Variants in CHD9 observed in about 807,000 individuals in gnomAD.
The protein encoded by CHD9 is ATP-dependent chromatin remodeler CHD9.
Under a neutral mutation model 316.1 loss-of-function variants are expected in CHD9, and 77 were observed. The observed-to-expected ratio is 0.24, with a 90% confidence interval of 0.20 to 0.29. The LOEUF is 0.29. Among genes scored for constraint, CHD9 ranks in the 10% least tolerant of loss-of-function variants. The probability of loss-of-function intolerance (pLI) is 1.00; values close to 1 mark genes in which losing one functional copy is unlikely to be tolerated. For synonymous variants in CHD9, 1,129 were observed against 1,158.3 expected (o/e 0.97, Z 0.51); for missense variants, 2,763 against 3,438.1 (o/e 0.80, Z 4.91).
chr16:53,137,533 C>A (rs1374870219), intron 1 of CHD9, among the ~76,000 whole-genome samples: 1 of 152,106 alleles, frequency 6.6e-6, no homozygotes, highest in Non-Finnish European at 1.5e-5. Context: ...AATTTCTACT[C>A]CTTTTAGCAG....
In CHD9 at chr16:53,219,332, A is replaced by G. The variant is rs142674548; in HGVS notation, c.1785-3312A>G. Reference sequence around the variant, plus strand: ...GGGGAAAAAATCTGAAATAGAGATAAGAGATTTGAGGATCTTTAACTTCTA... The same window carrying G: ...GGGGAAAAAATCTGAAATAGAGATAGGAGATTTGAGGATCTTTAACTTCTA... On this transcript the variant is annotated intron_variant, in intron 3 of 38. Transcript: ENST00000447540. Among the ~76,000 whole-genome samples, 596 of 152,308 alleles carry G rather than the reference A, an allele frequency of 3.9e-3. 9 individuals are homozygous for G. Among genetic ancestry groups the G allele is most frequent in the African/African-American group, 0.014 (583 of 41,564 alleles).
intron 37 of CHD9, 71 bp from the exon 38 acceptor site, chr16:53,321,455 C>T: frequency 6.9e-7 from 1 of 1,446,466 alleles, no homozygotes. Flanking sequence ...CTCTGTAGAG[C>T]ATACAATAAA....
At chr16:53,130,823 C>CA (rs1258346248) in intron 1 of CHD9, 4 of 151,942 alleles carry the variant, frequency 2.6e-5, no homozygotes, top group African/African-American at 9.6e-5. Context: ...GCAGGAGCGG[C>CA]GGCGGTCACG....
At chr16:53,064,367 T>C (rs2033287202) in intron 1 of CHD9, among the ~76,000 whole-genome samples, 1 of 152,194 alleles carries the variant, frequency 6.6e-6, no homozygotes, top group African/African-American at 2.4e-5. Flanking sequence ...TATAAAGTTA[T>C]TTTGTTGTCG....
chr16:53,215,800 C>G (rs2046710626), intron 3 of CHD9, among the ~76,000 whole-genome samples: 1 of 152,118 alleles, frequency 6.6e-6, no homozygotes, highest in Non-Finnish European at 1.5e-5. Context: ...AGTACTAACA[C>G]TTGGGCAGGA....
At chr16:53,143,074 A>T (rs889049114) in intron 1 of CHD9, among the ~76,000 whole-genome samples, 2 of 152,170 alleles carry the variant, frequency 1.3e-5, no homozygotes, top group African/African-American at 4.8e-5. Flanking sequence ...ACATTAATCC[A>T]TTCATGAGGG....
chr16:53,133,754 A>C (rs2039509513), intron 1 of CHD9, among the ~76,000 whole-genome samples: 1 of 152,256 alleles, frequency 6.6e-6, no homozygotes, highest in South Asian at 2.1e-4. Context: ...AAACCATAGA[A>C]TTTTCAACTT....
At chr16:53,252,442 A>G (rs1045479239) in intron 17 of CHD9, among the ~76,000 whole-genome samples, 7 of 152,216 alleles carry the variant, frequency 4.6e-5, no homozygotes, top group Non-Finnish European at 1.0e-4. Flanking sequence ...CTGAAACTAT[A>G]AAAATTCTGG....
At chr16:53,147,234 C>T (rs993256036) in intron 1 of CHD9, among the ~76,000 whole-genome samples, 4 of 152,062 alleles carry the variant, frequency 2.6e-5, no homozygotes, top group Admixed American at 2.0e-4. Flanking sequence ...AAAGGCCTCA[C>T]TAGGAATGTC....
intron 1 of CHD9, among the ~76,000 whole-genome samples, chr16:53,102,931 C>T (rs984711971): frequency 2.0e-5 from 3 of 151,942 alleles, no homozygotes; most frequent in Non-Finnish European, 4.4e-5. Context: ...CTGCAAACTC[C>T]GCCTCCCGGG....
chr16:53,072,304 A>G (rs1053433358), intron 1 of CHD9, among the ~76,000 whole-genome samples: 1 of 136,950 alleles, frequency 7.3e-6, no homozygotes, highest in African/African-American at 2.8e-5. Flanking sequence ...TCTACTTTGG[A>G]AGGAAAGCCA....
intron 1 of CHD9, among the ~76,000 whole-genome samples, chr16:53,070,990 T>G (rs1040769451): frequency 6.6e-6 from 1 of 152,220 alleles, no homozygotes; most frequent in Non-Finnish European, 1.5e-5. Flanking sequence ...CCCTTGGGAT[T>G]GCTTATGAAT....
At chr16:53,264,234 G>A (rs1216578229) in intron 20 of CHD9, among the ~76,000 whole-genome samples, 2 of 151,872 alleles carry the variant, frequency 1.3e-5, no homozygotes, top group African/African-American at 4.8e-5. Flanking sequence ...CTTATAACTA[G>A]AAAAAATAAT....
chr16:53,116,262 G>T (rs920008984), intron 1 of CHD9, among the ~76,000 whole-genome samples: 16 of 152,264 alleles, frequency 1.1e-4, no homozygotes, highest in African/African-American at 3.6e-4. Flanking sequence ...GTTTCACCGT[G>T]CTGGCCAGGC....
chr16:53,251,749 C>A (rs1345351930), intron 17 of CHD9, among the ~76,000 whole-genome samples: 1 of 152,064 alleles, frequency 6.6e-6, no homozygotes, highest in Non-Finnish European at 1.5e-5. Context: ...AAATATGAAG[C>A]CCTTATGTGA....
At chr16:53,203,917 G>C (rs998320425) in intron 2 of CHD9, among the ~76,000 whole-genome samples, 29 of 149,490 alleles carry the variant, frequency 1.9e-4, no homozygotes, top group African/African-American at 6.9e-4. Context: ...CCAGCTACTC[G>C]TGAGCCTGAG....
At chr16:53,265,032 TTTTGTAAAAAATTAAGGAC>T (rs2051514228) in intron 20 of CHD9, among the ~76,000 whole-genome samples, 2 of 152,194 alleles carry the variant, frequency 1.3e-5, no homozygotes, top group South Asian at 4.1e-4. Context: ...AAGTTTATAC[TTTTGTAAAAAATTAAGGAC>T]TTTTCTGAAA....
At chr16:53,229,393 G>A (rs564789189) in intron 8 of CHD9, among the ~76,000 whole-genome samples, 91 of 152,158 alleles carry the variant, frequency 6.0e-4, no homozygotes, top group Non-Finnish European at 9.1e-4. Context: ...TATCAGCAAA[G>A]TTATTCAAGT....
chr16:53,121,638 T>C (rs914436043), intron 1 of CHD9: 5 of 322,686 alleles, frequency 1.5e-5, no homozygotes, highest in Non-Finnish European at 3.0e-5. Flanking sequence ...ATGTTGTTAT[T>C]ACCAGCTGCC....
Sources: gnomAD v4.1 joint callset for allele counts (sites outside exome capture counted in the v4.1 genomes callset) on GRCh38, gnomAD v4.1.1 for gene constraint, MANE v1.5 for transcripts, NCBI Gene and HGNC (gene_info 2026-07-23, HGNC 2026-07-21) for gene names.